Variants in CNTN4 observed in about 807,000 individuals in gnomAD.
CNTN4 encodes the protein contactin 4, also known as contactin-4.
In CNTN4, 77 loss-of-function variants were observed where a neutral mutation model predicts 122.5. That is an observed-to-expected ratio of 0.63 (90% CI 0.52 to 0.76). The LOEUF is 0.76. Among genes scored for constraint, CNTN4 ranks in the 30% least tolerant of loss-of-function variants. The pLI is 0.00. For synonymous variants in CNTN4, 512 were observed against 447.0 expected, an observed-to-expected ratio of 1.15 and a Z score of -1.83; for missense variants, 1,256 against 1,259.1, an observed-to-expected ratio of 1.00 and a Z score of 0.04.
intron 4 of CNTN4, among the ~76,000 whole-genome samples, chr3:2,713,630 A>G (rs1283291400): frequency 1.3e-5 from 2 of 152,188 alleles, no homozygotes; most frequent in Non-Finnish European, 2.9e-5. Context: ...GGAGAACCAC[A>G]GGAGGAGATT....
At chr3:2,212,047 C>T (rs1342740621) in intron 2 of CNTN4, among the ~76,000 whole-genome samples, 1 of 152,162 alleles carries the variant, frequency 6.6e-6, no homozygotes, top group Non-Finnish European at 1.5e-5. Flanking sequence ...AATCACAGCT[C>T]ACTGTAACCG....
chr3:2,435,832 C>G (rs2048239586), intron 3 of CNTN4, among the ~76,000 whole-genome samples: 1 of 152,140 alleles, frequency 6.6e-6, no homozygotes, highest in African/African-American at 2.4e-5. Flanking sequence ...CATTTTATAT[C>G]TATTTACTCT....
intron 4 of CNTN4, among the ~76,000 whole-genome samples, chr3:2,717,511 C>A (rs1203461067): frequency 2.0e-5 from 3 of 152,152 alleles, no homozygotes; most frequent in Non-Finnish European, 4.4e-5. Context: ...AGTCTTCACT[C>A]CATGTGTTTC....
chr3:2,176,547 A>G (rs950559201), intron 2 of CNTN4, among the ~76,000 whole-genome samples: 2 of 152,126 alleles, frequency 1.3e-5, no homozygotes, highest in East Asian at 1.9e-4. Context: ...GAATTTAACA[A>G]TGCTAAGTAA....
chr3:2,337,399 G>T (rs1340594310), intron 2 of CNTN4, among the ~76,000 whole-genome samples: 1 of 152,086 alleles, frequency 6.6e-6, no homozygotes, highest in Non-Finnish European at 1.5e-5. Flanking sequence ...TAATGTATGA[G>T]AATCTCTTGC....
intron 13 of CNTN4, among the ~76,000 whole-genome samples, chr3:2,938,798 A>G (rs2094587370): frequency 6.6e-6 from 1 of 152,212 alleles, no homozygotes; most frequent in Non-Finnish European, 1.5e-5. Context: ...AGAAGAGGTA[A>G]ATTAAGTCCT....
At chr3:2,410,409 A>G (rs1268901505) in intron 3 of CNTN4, among the ~76,000 whole-genome samples, 2 of 152,212 alleles carry the variant, frequency 1.3e-5, no homozygotes, top group African/African-American at 2.4e-5. Flanking sequence ...AATAAAGACA[A>G]TGGCTTTCTA....
At chr3:2,361,801 T>C (rs946029567) in intron 3 of CNTN4, among the ~76,000 whole-genome samples, 3 of 152,226 alleles carry the variant, frequency 2.0e-5, no homozygotes, top group Non-Finnish European at 4.4e-5. Context: ...GTGAGCTTAT[T>C]GATAGGCCCT....
intron 2 of CNTN4, among the ~76,000 whole-genome samples, chr3:2,261,660 G>A (rs1349369023): frequency 6.6e-6 from 1 of 152,080 alleles, no homozygotes; most frequent in Non-Finnish European, 1.5e-5. Flanking sequence ...AGTTTGAAAC[G>A]GTTCTAAAAT....
chr3:2,521,174 G>C (rs963848249), intron 3 of CNTN4, among the ~76,000 whole-genome samples: 3 of 152,032 alleles, frequency 2.0e-5, no homozygotes, highest in African/African-American at 7.2e-5. Flanking sequence ...ATGAACAAAA[G>C]TTTTTCAGAT....
At chr3:2,777,116 G>T (rs906931529) in intron 6 of CNTN4, among the ~76,000 whole-genome samples, 1 of 152,108 alleles carries the variant, frequency 6.6e-6, no homozygotes, top group African/African-American at 2.4e-5. Flanking sequence ...AAGCAGCAGG[G>T]ATTCTAGGCG....
chr3:2,654,393 A>T (rs773942715), intron 4 of CNTN4, among the ~76,000 whole-genome samples: 1 of 152,198 alleles, frequency 6.6e-6, no homozygotes, highest in African/African-American at 2.4e-5. Flanking sequence ...TTTCAAAATT[A>T]TACTGTTTGT....
intron 2 of CNTN4, among the ~76,000 whole-genome samples, chr3:2,338,790 C>T (rs1185201440): frequency 2.0e-5 from 3 of 152,036 alleles, no homozygotes; most frequent in South Asian, 4.1e-4. Flanking sequence ...AAAACGATGA[C>T]GTCTCCATTT....
intron 2 of CNTN4, among the ~76,000 whole-genome samples, chr3:2,155,033 G>T (rs1200792933): frequency 6.6e-6 from 1 of 152,156 alleles, no homozygotes; most frequent in East Asian, 1.9e-4. Context: ...TTCAAAATTT[G>T]TTAAGTGTTT....
chr3:2,781,519 C>T (rs111343188), intron 6 of CNTN4, among the ~76,000 whole-genome samples: 1 of 152,054 alleles, frequency 6.6e-6, no homozygotes, highest in African/African-American at 2.4e-5. Flanking sequence ...TTCTGAGCCA[C>T]ATATAGGTGA....
At chr3:2,679,179 C>A (rs533568759) in intron 4 of CNTN4, among the ~76,000 whole-genome samples, 4 of 152,162 alleles carry the variant, frequency 2.6e-5, no homozygotes, top group African/African-American at 9.6e-5. Context: ...AAGAATTATT[C>A]TTAATTACAA....
chr3:3,024,803 A>G (rs1334482927), intron 14 of CNTN4, among the ~76,000 whole-genome samples: 2 of 152,220 alleles, frequency 1.3e-5, no homozygotes, highest in Non-Finnish European at 2.9e-5. Flanking sequence ...AAGACTCACA[A>G]AAATTCTCCT....
chr3:2,570,700 A>G (rs1213169070), intron 3 of CNTN4, among the ~76,000 whole-genome samples: 1 of 152,046 alleles, frequency 6.6e-6, no homozygotes, highest in Non-Finnish European at 1.5e-5. Flanking sequence ...TCACTCAGTT[A>G]CTCACTTTGT....
At chr3:2,919,508 G>T (rs531662635) in intron 12 of CNTN4, among the ~76,000 whole-genome samples, 1 of 152,214 alleles carries the variant, frequency 6.6e-6, no homozygotes, top group African/African-American at 2.4e-5. Flanking sequence ...TGCCTTCAAG[G>T]AACTGATGTT....
Sources: allele counts gnomAD v4.1 joint callset (sites outside exome capture counted in the v4.1 genomes callset), GRCh38; gene constraint gnomAD v4.1.1; transcripts MANE v1.5; gene names NCBI Gene and HGNC (gene_info 2026-07-23, HGNC 2026-07-21).